FOXP4: variants seen among roughly 807,000 people sequenced by gnomAD.
FOXP4 encodes forkhead box P4, also known as forkhead box protein P4.
FOXP4 carries 25 observed loss-of-function variants against 82.6 expected under a neutral mutation model. That is an observed-to-expected ratio of 0.30 (90% CI 0.22 to 0.42). FOXP4 has a LOEUF of 0.42. Among genes scored for constraint, FOXP4 ranks in the 10% least tolerant of loss-of-function variants. The probability of loss-of-function intolerance (pLI) is 1.00; values close to 1 mark genes in which losing one functional copy is unlikely to be tolerated. For missense variants in FOXP4, 785 were observed against 900.9 expected (o/e 0.87, Z 1.65); for synonymous variants, 415 against 388.2 (o/e 1.07, Z -0.81).
intron 14 of FOXP4, among the ~76,000 whole-genome samples, chr6:41,595,667 A>T (rs1383731252): frequency 6.6e-6 from 1 of 152,098 alleles, no homozygotes; most frequent in African/African-American, 2.4e-5. Context: ...CAATGGCACG[A>T]TCTCAGCTCA....
At chr6:41,567,734 CTG>C (rs1335543817) in intron 2 of FOXP4, among the ~76,000 whole-genome samples, 9 of 152,204 alleles carry the variant, frequency 5.9e-5, no homozygotes, top group African/African-American at 2.2e-4. Flanking sequence ...ACAGAACTGT[CTG>C]TACTGATCAG....
intron 2 of FOXP4, among the ~76,000 whole-genome samples, chr6:41,575,368 T>C (rs1450095003): frequency 6.6e-6 from 1 of 152,170 alleles, no homozygotes; most frequent in Non-Finnish European, 1.5e-5. Context: ...GCCCCTAGCC[T>C]GGTCCCTGGC....
intron 14 of FOXP4, 99 bp from the exon 15 acceptor site, chr6:41,597,077 C>T (rs1766885713): frequency 1.0e-5 from 13 of 1,292,256 alleles, no homozygotes; most frequent in Admixed American, 3.4e-5. Flanking sequence ...GGGAATGGGA[C>T]CCATTCCCAG....
At position 41,597,884 on chromosome 6, in the gene FOXP4, C is replaced by T; in HGVS notation, c.1829C>T (p.Ala610Val). 4 of 1,592,630 alleles carry T rather than the reference C, an allele frequency of 2.5e-6. No individual in the cohort carries two copies. The highest frequency in any genetic ancestry group is 3.4e-5 in the Admixed American group (2 of 58,756). ...CCCCTCAGCCACGATGACGTGGGTG[C>T]CCCCGTGGAGCCGCTGCCCAGCAAC... ...LLPLSHDDVG[A>V]PVEPLPSNGS... The change falls in exon 16 of 17, where the codon GCC (alanine) becomes GTC (valine). Residue 610 changes from alanine to valine, a missense_variant. Coordinates refer to ENST00000307972, the MANE Select transcript of FOXP4 (RefSeq NM_001012426.2).
At chr6:41,594,744 C>T in intron 13 of FOXP4, 126 bp from the exon 14 acceptor site, 8 of 1,428,700 alleles carry the variant, frequency 5.6e-6, no homozygotes, top group Non-Finnish European at 7.6e-6. Context: ...CACCCCCCTC[C>T]CCTGCTCATC....
chr6:41,575,079 C>A (rs1431952168), intron 2 of FOXP4, among the ~76,000 whole-genome samples: 1 of 152,218 alleles, frequency 6.6e-6, no homozygotes, highest in Non-Finnish European at 1.5e-5. Flanking sequence ...CGCCATCATT[C>A]TGCCTCAGCC....
At chr6:41,577,478 T>C (rs554938549) in intron 2 of FOXP4, among the ~76,000 whole-genome samples, 1 of 152,166 alleles carries the variant, frequency 6.6e-6, no homozygotes, top group South Asian at 2.1e-4. Flanking sequence ...AAATCTTGGC[T>C]CTGATGCCGC....
At chr6:41,594,747 TG>T in intron 13 of FOXP4, 122 bp from the exon 14 acceptor site, 1 of 1,433,298 alleles carries the variant, frequency 7.0e-7, no homozygotes, top group African/African-American at 1.4e-5. Flanking sequence ...CCCCCTCCCC[TG>T]CTCATCCCTG....
At chr6:41,597,638 G>A (rs749055490) in intron 15 of FOXP4, 143 bp from the exon 16 acceptor site, 122 of 1,036,678 alleles carry the variant, frequency 1.2e-4, no homozygotes, top group Non-Finnish European at 1.6e-4. Flanking sequence ...TTGGGGCTTG[G>A]GGGTTGCCCA....
Position 41,569,345 on chromosome 6 carries a change from G to A in FOXP4, c.204+3381G>A, listed in dbSNP as rs1290350355. ...CCATAGACACACCCGTGGCCCATCC[G>A]TCCCCTCCCTCGCCAAGGCAAATGC... On this transcript the variant is annotated intron_variant, in intron 2 of 16. Transcript: ENST00000307972. Among the ~76,000 whole-genome samples the A allele has an allele frequency of 2.6e-5, 4 of 152,190 alleles. No individual in the cohort carries two copies. In the East Asian group the frequency reaches 5.8e-4, roughly 22 times the overall value.
intron 14 of FOXP4, 121 bp downstream of exon 14, chr6:41,595,112 G>A (rs1766754761): frequency 1.6e-5 from 24 of 1,455,502 alleles, no homozygotes; most frequent in Non-Finnish European, 2.1e-5. Flanking sequence ...GGGGGAAGGG[G>A]TGTGGGGAGA....
In FOXP4 at chr6:41,591,485, A is replaced by G. The variant is rs1281776694; in HGVS notation, c.1536+163A>G. On this transcript the variant is annotated intron_variant, in intron 13 of 16. Coordinates refer to ENST00000307972, the MANE Select transcript of FOXP4 (RefSeq NM_001012426.2). The surrounding 1 kb of genome is among the most constrained non-coding windows in gnomAD (Gnocchi z 4.2). The stretch of plus-strand genomic sequence containing the variant: ...GCTGCATGCCCACGCCCACCTCAGC[A>G]GGGGCTGTGGATTGTTCCATAACCT... Among the ~76,000 whole-genome samples the G allele has an allele frequency of 1.3e-5, 2 of 152,208 alleles. No individual in the cohort carries two copies. Among genetic ancestry groups the G allele is most frequent in the Non-Finnish European group, 2.9e-5 (2 of 68,042 alleles).
At chr6:41,556,559 T>G (rs867356164) in intron 1 of FOXP4, among the ~76,000 whole-genome samples, 2 of 152,082 alleles carry the variant, frequency 1.3e-5, no homozygotes, top group African/African-American at 4.8e-5. Context: ...CTCCTGACCT[T>G]GTGATCTGCC....
chr6:41,568,620 C>T (rs554491126), intron 2 of FOXP4, among the ~76,000 whole-genome samples: 10 of 152,350 alleles, frequency 6.6e-5, no homozygotes, highest in Admixed American at 2.6e-4. Flanking sequence ...CTAGTGCCAT[C>T]TGCAAACTCG....
At position 41,591,571 on chromosome 6, in the gene FOXP4, A is replaced by G. The variant is rs1421625844; in HGVS notation, c.1536+249A>G. 6.6e-6 allele frequency among the ~76,000 whole-genome samples: 1 copy of G among 152,150 alleles called. No homozygotes were observed. The highest frequency in any genetic ancestry group is 1.5e-5 in the Non-Finnish European group (1 of 68,012). On this transcript the variant is annotated intron_variant, in intron 13 of 16. Transcript: ENST00000307972. The surrounding 1 kb of genome is among the most constrained non-coding windows in gnomAD (Gnocchi z 4.2). ...CCTTTCTGGGAAGCAATCCTTCTCTAGGGTACACCCCCAAGGGCCCCAAAG... is the reference window on the plus strand; with the variant it reads ...CCTTTCTGGGAAGCAATCCTTCTCTGGGGTACACCCCCAAGGGCCCCAAAG...
chr6:41,555,417 C>T (rs901373195), intron 1 of FOXP4, among the ~76,000 whole-genome samples: 1 of 152,190 alleles, frequency 6.6e-6, no homozygotes, highest in Non-Finnish European at 1.5e-5. Context: ...CATCACTTGC[C>T]CCCTACATCT....
rs1169530892 is a variant in FOXP4 at position 41,600,830 on chromosome 6, T to C, written c.*1894T>C. The C allele has an allele frequency of 6.6e-6, 1 of 152,384 alleles. No homozygotes were observed. The highest frequency in any genetic ancestry group is 1.5e-5 in the Non-Finnish European group (1 of 68,108). 9.4% of individuals were successfully genotyped at this position (152,384 alleles called of 1,614,324 possible). On this transcript the variant is annotated 3_prime_UTR_variant, in exon 17 of 17. Transcript: ENST00000307972. Reference sequence around the variant, plus strand: ...GGCCCACCCACCTCCGGTTCCCCTGTGCCTCCTGTCCCTTCCACGCTTAAA... The same window carrying C: ...GGCCCACCCACCTCCGGTTCCCCTGCGCCTCCTGTCCCTTCCACGCTTAAA...
intron 1 of FOXP4, among the ~76,000 whole-genome samples, chr6:41,562,229 G>T (rs143641282): frequency 6.6e-6 from 1 of 152,188 alleles, no homozygotes; most frequent in Non-Finnish European, 1.5e-5. Flanking sequence ...GGGGTATGTT[G>T]TTAGGTGGGC....
At chr6:41,584,992 CAG>C in intron 4 of FOXP4, 101 bp downstream of exon 4, 1 of 1,419,380 alleles carries the variant, frequency 7.0e-7, no homozygotes. Flanking sequence ...TCCCAGAAAC[CAG>C]AGAGACTGCT....
Sources: gnomAD v4.1 joint callset for allele counts (sites outside exome capture counted in the v4.1 genomes callset) on GRCh38, gnomAD v4.1.1 for gene constraint, Gnocchi (gnomAD v3.1) non-coding constraint, MANE v1.5 for transcripts, NCBI Gene and HGNC (gene_info 2026-07-23, HGNC 2026-07-21) for gene names.